SGMS1: variants seen among roughly 807,000 people sequenced by gnomAD.
SGMS1 encodes sphingomyelin synthase 1.
SGMS1 carries 13 observed loss-of-function variants against 46.2 expected under a neutral mutation model. That is an observed-to-expected ratio of 0.28 (90% CI 0.18 to 0.45). The LOEUF is 0.45. Among genes scored for constraint, SGMS1 ranks in the 20% least tolerant of loss-of-function variants. The pLI is 1.00. For missense variants in SGMS1, 324 were observed against 519.9 expected (o/e 0.62, Z 3.66); for synonymous variants, 203 against 187.8 (o/e 1.08, Z -0.66).
At chr10:50,558,509 T>G (rs184783015) in intron 2 of SGMS1, among the ~76,000 whole-genome samples, 6 of 152,308 alleles carry the variant, frequency 3.9e-5, no homozygotes, top group African/African-American at 1.2e-4. Flanking sequence ...GGATCTGGCA[T>G]CCTTTCCTGA....
chr10:50,388,330 T>C (rs1036489903), intron 6 of SGMS1, among the ~76,000 whole-genome samples: 1 of 152,104 alleles, frequency 6.6e-6, no homozygotes, highest in Admixed American at 6.6e-5. Context: ...AAAGCAAATG[T>C]ACTCCTTAAA....
At chr10:50,440,976 T>C (rs1286810595) in intron 5 of SGMS1, among the ~76,000 whole-genome samples, 3 of 152,252 alleles carry the variant, frequency 2.0e-5, no homozygotes, top group East Asian at 1.9e-4. Flanking sequence ...CTCTGAGGCA[T>C]GTTAACATTA....
intron 3 of SGMS1, among the ~76,000 whole-genome samples, chr10:50,499,653 T>C (rs4935712): frequency 0.61 from 93,100 of 152,080 alleles, 28,766 homozygotes; most frequent in African/African-American, 0.71. Context: ...AGTGGTAGCA[T>C]ATCACAAAAT....
chr10:50,421,097 T>C (rs1849249263), intron 6 of SGMS1, among the ~76,000 whole-genome samples: 1 of 152,192 alleles, frequency 6.6e-6, no homozygotes, highest in Non-Finnish European at 1.5e-5. Flanking sequence ...CTAGGATGCC[T>C]TTGTTGTCTA....
chr10:50,357,320 GA>G (rs200820111), intron 6 of SGMS1, among the ~76,000 whole-genome samples: 94 of 148,434 alleles, frequency 6.3e-4, no homozygotes, highest in African/African-American at 9.6e-4. Flanking sequence ...TTCTGGTAAT[GA>G]AAAAAAAAAT....
chr10:50,619,652 G>A (rs1356931909), intron 1 of SGMS1, among the ~76,000 whole-genome samples: 2 of 152,154 alleles, frequency 1.3e-5, no homozygotes, highest in African/African-American at 4.8e-5. Flanking sequence ...CTCAGCACCA[G>A]GAGTCTAAAA....
intron 8 of SGMS1, among the ~76,000 whole-genome samples, chr10:50,324,562 C>T (rs1453084393): frequency 6.6e-6 from 1 of 152,228 alleles, no homozygotes; most frequent in African/African-American, 2.4e-5. Flanking sequence ...GTGGAGGATT[C>T]TAGCCCTTGC....
intron 3 of SGMS1, among the ~76,000 whole-genome samples, chr10:50,510,055 A>G (rs1351265743): frequency 6.6e-6 from 1 of 152,168 alleles, no homozygotes; most frequent in Non-Finnish European, 1.5e-5. Context: ...TTTGTAGTCA[A>G]TCTTCTCCCC....
chr10:50,412,597 G>A (rs572446375), intron 6 of SGMS1, among the ~76,000 whole-genome samples: 10 of 152,306 alleles, frequency 6.6e-5, no homozygotes, highest in Admixed American at 2.0e-4. Context: ...TTTCAGGCAA[G>A]GCTGAGAGGG....
At chr10:50,466,046 C>T (rs931206794) in intron 4 of SGMS1, among the ~76,000 whole-genome samples, 2 of 152,042 alleles carry the variant, frequency 1.3e-5, no homozygotes, top group African/African-American at 4.8e-5. Context: ...AAAGGGTGGT[C>T]TATGAGAGAG....
chr10:50,597,619 T>C (rs1838606884), intron 1 of SGMS1, among the ~76,000 whole-genome samples: 1 of 152,116 alleles, frequency 6.6e-6, no homozygotes, highest in African/African-American at 2.4e-5. Context: ...GAAAGAGGAT[T>C]TAAACTACAA....
chr10:50,501,833 G>C (rs144598497), intron 3 of SGMS1, among the ~76,000 whole-genome samples: 1 of 152,030 alleles, frequency 6.6e-6, no homozygotes, highest in African/African-American at 2.4e-5. Context: ...GAAACCCTAA[G>C]AAAAATTCTT....
intron 3 of SGMS1, among the ~76,000 whole-genome samples, chr10:50,503,074 A>C (rs887404039): frequency 6.6e-6 from 1 of 152,202 alleles, no homozygotes; most frequent in Non-Finnish European, 1.5e-5. Context: ...GAACCACCTT[A>C]ACTGAATGTG....
At chr10:50,359,170 G>A (rs77647092) in intron 6 of SGMS1, among the ~76,000 whole-genome samples, 2,354 of 152,264 alleles carry the variant, frequency 0.015, 71 homozygotes, top group African/African-American at 0.054. Context: ...TGGAGTGTAT[G>A]TATTTTGCCT....
intron 6 of SGMS1, among the ~76,000 whole-genome samples, chr10:50,358,893 C>T (rs1049597078): frequency 2.0e-5 from 3 of 152,122 alleles, no homozygotes; most frequent in African/African-American, 7.2e-5. Flanking sequence ...ATTTGAAGAA[C>T]AAAAATGGTT....
At chr10:50,558,154 T>C (rs1348944483) in intron 2 of SGMS1, among the ~76,000 whole-genome samples, 1 of 152,190 alleles carries the variant, frequency 6.6e-6, no homozygotes, top group African/African-American at 2.4e-5. Flanking sequence ...TGGCTGCAGC[T>C]GTATGCTAGT....
At chr10:50,359,486 T>C (rs1848211915) in intron 6 of SGMS1, among the ~76,000 whole-genome samples, 2 of 152,158 alleles carry the variant, frequency 1.3e-5, no homozygotes, top group African/African-American at 4.8e-5. Flanking sequence ...GTCCACTGTA[T>C]ACCATGGACA....
In SGMS1 at chr10:50,562,355, T is replaced by TGTGCGC. The variant is rs376552618; in HGVS notation, c.-589+27797_-589+27798insGCGCAC. ...CTCTCTGAGTGTGTGTGTGTGTGTG[T>TGTGCGC]GCGCGCGCGCACACACACACACTCA... On this transcript the variant is annotated intron_variant, in intron 2 of 10. Transcript: ENST00000361781. Among the ~76,000 whole-genome samples the TGTGCGC allele has an allele frequency of 2.4e-3, 314 of 133,458 alleles. 1 individual carries two copies. The highest frequency in any genetic ancestry group is 4.2e-3 in the Non-Finnish European group (264 of 62,596). 87.6% of individuals were successfully genotyped at this position (133,458 alleles called of 152,430 possible).
At chr10:50,532,611 C>T (rs909986878) in intron 2 of SGMS1, among the ~76,000 whole-genome samples, 6 of 152,108 alleles carry the variant, frequency 3.9e-5, no homozygotes, top group African/African-American at 7.2e-5. Flanking sequence ...AAGAACCTAT[C>T]GATGACATTA....
Sources: allele counts gnomAD v4.1 joint callset (sites outside exome capture counted in the v4.1 genomes callset), GRCh38; gene constraint gnomAD v4.1.1; transcripts MANE v1.5; gene names NCBI Gene and HGNC (gene_info 2026-07-23, HGNC 2026-07-21).